Variants in ADGRL1 observed in about 807,000 individuals in gnomAD.
ADGRL1 encodes CIRL-1.
In ADGRL1, 31 loss-of-function variants were observed where a neutral mutation model predicts 148.9. The observed-to-expected ratio is 0.21, with a 90% CI of 0.16 to 0.28. ADGRL1 has a LOEUF of 0.28. Ranked by LOEUF, ADGRL1 falls within the 10% of genes least tolerant of loss-of-function variation. The pLI is 1.00. For synonymous variants in ADGRL1, 937 were observed against 900.3 expected, an observed-to-expected ratio of 1.04 and a Z score of -0.73; for missense variants, 1,521 against 2,058.8, an observed-to-expected ratio of 0.74 and a Z score of 5.05.
At chr19:14,183,212 A>AGAGAGG (rs71172403) in intron 2 of ADGRL1, among the ~76,000 whole-genome samples, 1 of 151,050 alleles carries the variant, frequency 6.6e-6, no homozygotes, top group South Asian at 2.1e-4. Context: ...AGAGAGAGAG[A>AGAGAGG]GAGAGCGAGA....
chr19:14,156,273 C>A (rs1968734340), intron 16 of ADGRL1, 72 bp from the exon 17 acceptor site: 1 of 1,216,822 alleles, frequency 8.2e-7, no homozygotes, highest in African/African-American at 1.5e-5. Flanking sequence ...GAGGCTAGGG[C>A]CCAGCCTGGC....
chr19:14,149,995 G>A lies in ADGRL1; in HGVS notation c.*878C>T, dbSNP rs1968008072. ...TATTTACAGCAATGGGGAAGGAGGAGGAGAGAGGAAGGAGTAAGAGGGCCC... is the reference window on the plus strand; with the variant it reads ...TATTTACAGCAATGGGGAAGGAGGAAGAGAGAGGAAGGAGTAAGAGGGCCC... On this transcript the variant is annotated 3_prime_UTR_variant, in exon 23 of 23. Coordinates refer to ENST00000361434, the MANE Select transcript of ADGRL1 (RefSeq NM_014921.5). 1 of 150,626 alleles carries A rather than the reference G, an allele frequency of 6.6e-6. No homozygotes were observed. The highest frequency in any genetic ancestry group is 6.6e-5 in the Admixed American group (1 of 15,130). The allele number at this position is 150,626 out of a possible 1,614,324, so 9.3% of individuals were successfully genotyped here. A position where few individuals can be genotyped will look rare whatever the true frequency, so the allele number is the denominator to read the frequency against.
chr19:14,204,395 G>A (rs1972821536), intron 1 of ADGRL1, among the ~76,000 whole-genome samples: 2 of 152,130 alleles, frequency 1.3e-5, no homozygotes, highest in South Asian at 2.1e-4. Flanking sequence ...CCGTGGGGTT[G>A]ATCAATTCAG....
In ADGRL1 at chr19:14,147,823, GTTC is replaced by G. The variant is rs1244406243; in HGVS notation, c.*3047_*3049del. 1 of 152,184 alleles carries G rather than the reference GTTC, an allele frequency of 6.6e-6. No homozygotes were observed. Among genetic ancestry groups the G allele is most frequent in the Non-Finnish European group, 1.5e-5 (1 of 67,996 alleles). The allele number at this position is 152,184 out of a possible 1,614,324, so 9.4% of individuals were successfully genotyped here. On this transcript the variant is annotated 3_prime_UTR_variant, in exon 23 of 23. Transcript: ENST00000361434. ...AAAACTTTTTGTTTTTTTCTGAAACGTTCTTGTTGTTATGAGCCTTTTGTTTTG... is the reference window on the plus strand; with the variant it reads ...AAAACTTTTTGTTTTTTTCTGAAACGTTGTTGTTATGAGCCTTTTGTTTTG...
At chr19:14,204,057 C>T (rs1460847776) in intron 1 of ADGRL1, among the ~76,000 whole-genome samples, 1 of 152,098 alleles carries the variant, frequency 6.6e-6, no homozygotes, top group Non-Finnish European at 1.5e-5. Flanking sequence ...GCGATCGCTG[C>T]CAGCCATGGA....
intron 2 of ADGRL1, among the ~76,000 whole-genome samples, chr19:14,178,107 C>T (rs1186444570): frequency 6.6e-6 from 1 of 152,100 alleles, no homozygotes; most frequent in Non-Finnish European, 1.5e-5. Flanking sequence ...ACCCCCAGGA[C>T]CTGAAAATGT....
chr19:14,200,321 G>A (rs1288038244), intron 1 of ADGRL1, among the ~76,000 whole-genome samples: 5 of 152,166 alleles, frequency 3.3e-5, no homozygotes, highest in Admixed American at 6.5e-5. Flanking sequence ...TGCAGGACTC[G>A]CCTTGTACTT....
chr19:14,174,846 T>G (rs1241740896), intron 3 of ADGRL1, among the ~76,000 whole-genome samples: 1 of 149,292 alleles, frequency 6.7e-6, no homozygotes, highest in East Asian at 2.0e-4. Context: ...TGTTTTTTTT[T>G]TTTTTTTTTT....
At chr19:14,165,278 CCT>C (rs972589863) in intron 4 of ADGRL1, among the ~76,000 whole-genome samples, 5 of 152,214 alleles carry the variant, frequency 3.3e-5, no homozygotes, top group East Asian at 1.9e-4. Context: ...TGGCCATCCC[CCT>C]GTCCCTGATG....
intron 2 of ADGRL1, among the ~76,000 whole-genome samples, chr19:14,182,527 G>A (rs74904042): frequency 0.024 from 3,700 of 152,318 alleles, 149 homozygotes; most frequent in African/African-American, 0.085. Flanking sequence ...GTACCCCAGG[G>A]GTATGGCAGG....
chr19:14,163,477 A>G (rs1466508284), intron 4 of ADGRL1, 71 bp from the exon 5 acceptor site: 3 of 1,060,646 alleles, frequency 2.8e-6, no homozygotes, highest in Non-Finnish European at 2.6e-6. Flanking sequence ...AGAGAGAGAG[A>G]GAGAGAGAGA....
Position 14,170,790 on chromosome 19 carries a change from A to T in ADGRL1, c.286T>A (p.Cys96Ser). 1 of 1,533,846 alleles carries T rather than the reference A, an allele frequency of 6.5e-7. No homozygotes were observed. The highest frequency in any genetic ancestry group is 9.0e-7 in the Non-Finnish European group (1 of 1,113,434). The change falls in exon 4 of 23, where the codon TGT becomes AGT. Residue 96 changes from cysteine (C) to serine (S), a missense_variant and splice_region_variant. Physicochemically the swap from Cys to Ser is moderately radical, Grantham distance 112. This residue lies in a region of ADGRL1 where 334 missense variants were observed against 512.5 expected (regional missense o/e 0.65). Transcript: ENST00000361434. ...ACCACGCACTGGGTGCGGTTGTTAC[A>T]CCTTCAGAGGAGAAACAGGGCATTG... ...PDAFKIMSQRCNNRTQCVVVA... is the reference protein window; with the variant it reads ...PDAFKIMSQRSNNRTQCVVVA...
At chr19:14,203,812 C>T in intron 1 of ADGRL1, among the ~76,000 whole-genome samples, 1 of 95,132 alleles carries the variant, frequency 1.1e-5, no homozygotes, top group Admixed American at 1.0e-4. Context: ...CGTGGGTGAT[C>T]ACGGGGTACG....
intron 4 of ADGRL1, chr19:14,166,970 G>T: frequency 1.2e-6 from 2 of 1,601,470 alleles, no homozygotes; most frequent in Non-Finnish European, 1.7e-6. Flanking sequence ...GGTACAGGTA[G>T]AACAAAGTGT....
At chr19:14,154,134 T>G (rs1968496277) in intron 18 of ADGRL1, among the ~76,000 whole-genome samples, 1 of 151,952 alleles carries the variant, frequency 6.6e-6, no homozygotes, top group Non-Finnish European at 1.5e-5. Context: ...GAAAGGACAT[T>G]GCTGCCACTG....
chr19:14,162,518 G>C lies in ADGRL1; in HGVS notation c.1195+88C>G, dbSNP rs1223431655. 7 of 1,186,506 alleles carry C rather than the reference G, an allele frequency of 5.9e-6. No individual in the cohort carries two copies. The highest frequency in any genetic ancestry group is 2.3e-5 in the East Asian group (1 of 42,606). 73.5% of individuals were successfully genotyped at this position (1,186,506 alleles called of 1,614,324 possible). On this transcript the variant is annotated intron_variant, in intron 5 of 22. Coordinates refer to ENST00000361434, the MANE Select transcript of ADGRL1 (RefSeq NM_014921.5). The surrounding 1 kb of genome is among the most constrained non-coding windows in gnomAD (Gnocchi z 5.4). ...CCGATCCCCAAGAGCTCACAGGATGGGGCTCCCCACTCTGGGACCCAGGGG... is the reference window on the plus strand; with the variant it reads ...CCGATCCCCAAGAGCTCACAGGATGCGGCTCCCCACTCTGGGACCCAGGGG...
intron 1 of ADGRL1, among the ~76,000 whole-genome samples, chr19:14,184,303 G>A (rs950712961): frequency 5.3e-5 from 8 of 152,082 alleles, no homozygotes; most frequent in African/African-American, 1.9e-4. Context: ...GGTGGGAGGC[G>A]GACACTGCCT....
intron 1 of ADGRL1, among the ~76,000 whole-genome samples, chr19:14,186,018 T>C (rs968821007): frequency 6.6e-6 from 1 of 152,212 alleles, no homozygotes; most frequent in Non-Finnish European, 1.5e-5. Context: ...GCAGGGATCA[T>C]TGAACTGTTT....
intron 4 of ADGRL1, among the ~76,000 whole-genome samples, chr19:14,165,211 G>A (rs1363148288): frequency 6.6e-6 from 1 of 152,224 alleles, no homozygotes; most frequent in African/African-American, 2.4e-5. Context: ...AGGGAGAGGA[G>A]CCTGGGACAT....
Sources: gnomAD v4.1 joint callset for allele counts (sites outside exome capture counted in the v4.1 genomes callset) on GRCh38, gnomAD v4.1.1 for gene constraint, gnomAD v4.1.1 regional missense constraint, Gnocchi (gnomAD v3.1) non-coding constraint, MANE v1.5 for transcripts, NCBI Gene and HGNC (gene_info 2026-07-23, HGNC 2026-07-21) for gene names.